The following FOXP1 variants were observed in gnomAD, a reference collection of about 807,000 sequenced individuals.
The protein encoded by FOXP1 is forkhead box P1.
Under a neutral mutation model 98.2 loss-of-function variants are expected in FOXP1, and 15 were observed. The ratio of observed to expected loss-of-function variants is 0.15; its 90% CI spans 0.10 to 0.24. The LOEUF (loss-of-function observed/expected upper bound fraction) is 0.24. Among genes scored for constraint, FOXP1 ranks in the 10% least tolerant of loss-of-function variants. The pLI is 1.00. For synonymous variants in FOXP1, 371 were observed against 314.5 expected (o/e 1.18, Z -1.90); for missense variants, 633 against 848.5 (o/e 0.75, Z 3.15).
At chr3:71,464,981 G>T (rs558276892) in intron 3 of FOXP1, among the ~76,000 whole-genome samples, 1 of 151,938 alleles carries the variant, frequency 6.6e-6, no homozygotes, top group East Asian at 2.0e-4. Context: ...TACCATGTGT[G>T]GATCCAGTGA....
At chr3:71,515,212 C>A (rs2042476239) in intron 2 of FOXP1, among the ~76,000 whole-genome samples, 1 of 152,014 alleles carries the variant, frequency 6.6e-6, no homozygotes. Flanking sequence ...AGTATTCATG[C>A]CATCTATCCC....
chr3:71,058,043 G>C (rs1041815021), intron 7 of FOXP1, among the ~76,000 whole-genome samples: 1 of 152,034 alleles, frequency 6.6e-6, no homozygotes, highest in East Asian at 1.9e-4. Context: ...TTCCTTTAAC[G>C]CCCAATGGGG....
chr3:71,540,264 A>G (rs2044687176), intron 2 of FOXP1, among the ~76,000 whole-genome samples: 1 of 152,252 alleles, frequency 6.6e-6, no homozygotes, highest in African/African-American at 2.4e-5. Context: ...AGTAAGCAGG[A>G]GAGGAAGCAC....
At chr3:71,113,209 G>A (rs1024999202) in intron 6 of FOXP1, among the ~76,000 whole-genome samples, 12 of 152,206 alleles carry the variant, frequency 7.9e-5, no homozygotes, top group Admixed American at 3.3e-4. Context: ...ATAGAAATCA[G>A]AGAGGAAAAT....
At chr3:71,446,059 G>C (rs1243605694) in intron 3 of FOXP1, among the ~76,000 whole-genome samples, 1 of 151,776 alleles carries the variant, frequency 6.6e-6, no homozygotes. Context: ...GTGAGTGAGT[G>C]AGTGAGTGAG....
At chr3:71,201,100 T>C (rs181923558) in intron 5 of FOXP1, among the ~76,000 whole-genome samples, 1 of 152,362 alleles carries the variant, frequency 6.6e-6, no homozygotes, top group African/African-American at 2.4e-5. Flanking sequence ...TTCATTCTCA[T>C]GTCTTCAGAT....
intron 11 of FOXP1, among the ~76,000 whole-genome samples, chr3:71,016,283 T>G (rs1245239815): frequency 2.0e-5 from 3 of 152,182 alleles, no homozygotes; most frequent in Non-Finnish European, 4.4e-5. Context: ...AAATTTGGCA[T>G]GAACACGAAG....
intron 4 of FOXP1, among the ~76,000 whole-genome samples, chr3:71,320,816 A>G (rs55671532): frequency 1.2e-3 from 188 of 152,200 alleles, no homozygotes; most frequent in African/African-American, 4.4e-3. Flanking sequence ...CCCTACTACA[A>G]TGGTTCAGCA....
At chr3:70,982,790 T>C (rs1469667173) in intron 14 of FOXP1, among the ~76,000 whole-genome samples, 1 of 152,018 alleles carries the variant, frequency 6.6e-6, no homozygotes, top group Non-Finnish European at 1.5e-5. Context: ...AAAAATAAAC[T>C]GCTGATGTAA....
chr3:71,485,612 T>C (rs1876245), intron 3 of FOXP1, among the ~76,000 whole-genome samples: 53,093 of 151,644 alleles, frequency 0.35, 10,050 homozygotes, highest in Non-Finnish European at 0.43. Context: ...CTACTAAAAA[T>C]ACAAAAATTA....
At chr3:71,320,004 C>A (rs1560299941) in intron 4 of FOXP1, among the ~76,000 whole-genome samples, 1 of 152,132 alleles carries the variant, frequency 6.6e-6, no homozygotes, top group Non-Finnish European at 1.5e-5. Flanking sequence ...CACAAGGGTG[C>A]CTCCCACGAC....
intron 7 of FOXP1, among the ~76,000 whole-genome samples, chr3:71,109,799 T>C (rs2057758395): frequency 6.6e-6 from 1 of 152,192 alleles, no homozygotes; most frequent in African/African-American, 2.4e-5. Flanking sequence ...TGAATGTGCA[T>C]GACCCTATCA....
chr3:71,279,028 A>T (rs1205822125), intron 5 of FOXP1, among the ~76,000 whole-genome samples: 1 of 152,012 alleles, frequency 6.6e-6, no homozygotes, highest in Non-Finnish European at 1.5e-5. Context: ...TGTGTCTTCT[A>T]CTAAAAATAC....
chr3:71,263,441 T>G (rs773560482), intron 5 of FOXP1, among the ~76,000 whole-genome samples: 1 of 152,204 alleles, frequency 6.6e-6, no homozygotes, highest in Non-Finnish European at 1.5e-5. Context: ...GGCTGGGGCC[T>G]GAATTAAATG....
chr3:70,989,553 G>A (rs570634966), intron 13 of FOXP1, among the ~76,000 whole-genome samples: 2 of 152,086 alleles, frequency 1.3e-5, no homozygotes, highest in East Asian at 3.9e-4. Flanking sequence ...CAATTAAAAT[G>A]TTGGGAATGC....
chr3:71,067,626 G>A (rs1172503632), intron 7 of FOXP1, among the ~76,000 whole-genome samples: 1 of 152,000 alleles, frequency 6.6e-6, no homozygotes, highest in African/African-American at 2.4e-5. Flanking sequence ...GCCAGGTGCA[G>A]TGGCTCATAC....
intron 3 of FOXP1, among the ~76,000 whole-genome samples, chr3:71,409,946 T>C (rs1368406312): frequency 6.6e-6 from 1 of 152,112 alleles, no homozygotes; most frequent in Middle Eastern, 3.4e-3. Flanking sequence ...GACCCAGAGG[T>C]CAAGGGTGCG....
At chr3:71,400,357 T>C (rs1051740938) in intron 3 of FOXP1, among the ~76,000 whole-genome samples, 4 of 103,090 alleles carry the variant, frequency 3.9e-5, no homozygotes, top group East Asian at 3.9e-4. Context: ...TATTAATTTA[T>C]GTATGATTTT....
intron 6 of FOXP1, among the ~76,000 whole-genome samples, chr3:71,168,117 T>G (rs1202983313): frequency 6.6e-6 from 1 of 152,192 alleles, no homozygotes; most frequent in Non-Finnish European, 1.5e-5. Flanking sequence ...AGGCTAATCA[T>G]AGGAATGACG....
Sources: allele counts gnomAD v4.1 joint callset (sites outside exome capture counted in the v4.1 genomes callset), GRCh38; gene constraint gnomAD v4.1.1; transcripts MANE v1.5; gene names NCBI Gene and HGNC (gene_info 2026-07-23, HGNC 2026-07-21).